Variants in CLN3 observed in about 807,000 individuals in gnomAD.
The protein encoded by CLN3 is CLN3 lysosomal/endosomal transmembrane protein, battenin.
In CLN3, 49 loss-of-function variants were observed where a neutral mutation model predicts 60.7. That is an observed-to-expected ratio of 0.81 (90% CI 0.64 to 1.02). CLN3 has a LOEUF of 1.02. Ranked by LOEUF, CLN3 falls within the 50% of genes least tolerant of loss-of-function variation. CLN3 has a pLI of 0.00. For missense variants in CLN3, 516 were observed against 557.4 expected, an observed-to-expected ratio of 0.93 and a Z score of 0.75; for synonymous variants, 256 against 245.8, an observed-to-expected ratio of 1.04 and a Z score of -0.39.
Position 28,482,211 on chromosome 16 carries a change from T to C in CLN3, c.963-13A>G, listed in dbSNP as rs1362213961. ...CAGCATCTGGTACCTGAGGTTAGGG[T>C]TGGGGGGAGGAGAGGAGGCTCCTCC... On this transcript the variant is annotated splice_polypyrimidine_tract_variant and intron_variant, in intron 13 of 15. Transcript: ENST00000636147. The C allele has an allele frequency of 1.2e-6, 2 of 1,610,592 alleles. No individual in the cohort carries two copies. Among genetic ancestry groups the C allele is most frequent in the East Asian group, 2.2e-5 (1 of 44,754 alleles).
intron 1 of CLN3, 45 bp downstream of exon 1, chr16:28,491,975 T>C (rs1397029742): frequency 4.7e-6 from 3 of 639,684 alleles, no homozygotes; most frequent in Non-Finnish European, 8.4e-6. Context: ...CCACCCATCG[T>C]ACTCTCCCCC....
intron 3 of CLN3, 140 bp downstream of exon 3, chr16:28,491,342 C>A: frequency 8.2e-7 from 1 of 1,226,704 alleles, no homozygotes; most frequent in Non-Finnish European, 1.2e-6. Flanking sequence ...TTACATGCTG[C>A]CCCTGGGGCA....
intron 14 of CLN3, among the ~76,000 whole-genome samples, chr16:28,478,305 A>C (rs867373050): frequency 8.0e-5 from 11 of 137,502 alleles, no homozygotes; most frequent in East Asian, 4.2e-4. Context: ...ACTCCATCCC[A>C]AAAAAAAAAA....
intron 2 of CLN3, 22 bp downstream of exon 2, chr16:28,491,692 G>C (rs867902864): frequency 6.2e-7 from 1 of 1,614,182 alleles, no homozygotes; most frequent in Middle Eastern, 1.7e-4. Context: ...GTCGTTCCAT[G>C]AGGGTGGGCG....
chr16:28,484,878 T>G (rs2046177191), intron 9 of CLN3: 1 of 152,132 alleles, frequency 6.6e-6, no homozygotes, highest in African/African-American at 2.4e-5. Flanking sequence ...TGGACTCACT[T>G]TTTCTACTTA....
rs759392650 is a variant in CLN3, at chr16:28,482,465, C to T, written c.906+12G>A. ...CGCCACCTCCACACCCCTCCTAGCA[C>T]CCCTCACTTACAAGTCCCTGGTTAA... is the stretch of plus-strand genomic sequence containing the variant. On this transcript the variant is annotated intron_variant, in intron 12 of 15. Transcript: ENST00000636147. 2 of 1,614,142 alleles carry T rather than the reference C, an allele frequency of 1.2e-6. No homozygotes were observed. The highest frequency in any genetic ancestry group is 1.1e-5 in the South Asian group (1 of 91,088).
intron 10 of CLN3, 123 bp downstream of exon 10, chr16:28,483,883 A>G: frequency 4.1e-6 from 3 of 728,820 alleles, no homozygotes; most frequent in Non-Finnish European, 7.2e-6. Context: ...CAAATAGACA[A>G]AGGCTTTTCC....
chr16:28,489,297 T>C lies in CLN3; in HGVS notation c.215A>G (p.Gln72Arg). Residue 72 changes from glutamine (Q) to arginine (R), a missense_variant, in exon 4 of 16, where the codon CAG (glutamine) becomes CGG (arginine). Gln to Arg is a conservative substitution (Grantham distance 43). Transcript: ENST00000636147. ...TGGTAGAGAGTCACTTACATGGCTC[T>C]GGTTTCCCGATGTCCTCTTGTGGCT... ...ILSHKRTSGN[Q>R]SHVDPGPTPI... The C allele has an allele frequency of 1.9e-6, 3 of 1,612,242 alleles. No individual in the cohort carries two copies. The highest frequency in any genetic ancestry group is 1.7e-4 in the Middle Eastern group (1 of 6,032).
At chr16:28,473,409 T>C (rs558186858), downstream of CLN3, among the ~76,000 whole-genome samples, 5 of 152,178 alleles carry the variant, frequency 3.3e-5, no homozygotes, top group Admixed American at 2.0e-4. Context: ...TTTAATTTTT[T>C]ATAGAGATAG....
intron 14 of CLN3, 51 bp from the exon 15 acceptor site, chr16:28,477,928 G>T (rs1464155530): frequency 1.2e-6 from 2 of 1,604,496 alleles, no homozygotes; most frequent in African/African-American, 1.3e-5. Flanking sequence ...GGCAGGGAAG[G>T]AGAGGTGGCC....
chr16:28,482,885 C>T (rs2046126464), intron 10 of CLN3, among the ~76,000 whole-genome samples: 1 of 152,082 alleles, frequency 6.6e-6, no homozygotes, highest in Non-Finnish European at 1.5e-5. Context: ...GGGCGGATCA[C>T]CTGAGGTCAG....
downstream of CLN3, among the ~76,000 whole-genome samples, chr16:28,469,113 G>A (rs200437766): frequency 1.4e-4 from 16 of 111,144 alleles, no homozygotes; most frequent in East Asian, 2.5e-3. Context: ...GGAAATGATG[G>A]AGTTAGAGAA....
At chr16:28,473,327 T>A (rs1384372451), downstream of CLN3, among the ~76,000 whole-genome samples, 2 of 152,136 alleles carry the variant, frequency 1.3e-5, no homozygotes, top group African/African-American at 4.8e-5. Flanking sequence ...CTGGCCCAAG[T>A]TGTCCTCCTG....
At chr16:28,474,507 G>A (rs1185388139), downstream of CLN3, among the ~76,000 whole-genome samples, 3 of 151,958 alleles carry the variant, frequency 2.0e-5, no homozygotes, top group South Asian at 2.1e-4. Context: ...CACTTGAACC[G>A]GGGAGACGGA....
Position 28,483,997 on chromosome 16 carries a change from G to A in CLN3, c.790+9C>T, listed in dbSNP as rs1220855528. 1.3e-6 allele frequency: 2 copies of A among 1,595,898 alleles called. No homozygotes were observed. The highest frequency in any genetic ancestry group is 1.7e-6 in the Non-Finnish European group (2 of 1,169,462). ...GAAAGTGACCTCTCTGAGGGTCTGT[G>A]TCTCCTACCTGGCTTCGACTCCGGG... On this transcript the variant is annotated intron_variant, in intron 10 of 15. Coordinates refer to ENST00000636147, the MANE Select transcript of CLN3 (RefSeq NM_001042432.2).
intron 5 of CLN3, chr16:28,488,334 A>C: frequency 5.1e-6 from 1 of 197,870 alleles, no homozygotes; most frequent in Non-Finnish European, 9.9e-6. Context: ...TTTTATATAT[A>C]TATATTTTTT....
chr16:28,487,305 G>C, intron 7 of CLN3, 151 bp downstream of exon 7: 1 of 719,054 alleles, frequency 1.4e-6, no homozygotes, highest in South Asian at 1.5e-5. Flanking sequence ...AATTGTCCCA[G>C]TCTCCCATCG....
intron 4 of CLN3, 65 bp from the exon 5 acceptor site, chr16:28,488,727 C>G (rs1186926283): frequency 2.0e-6 from 3 of 1,500,794 alleles, no homozygotes; most frequent in Non-Finnish European, 1.9e-6. Context: ...AGCCTGGCTC[C>G]CGTCCCAGCT....
chr16:28,483,795 G>T (rs1401629766), intron 10 of CLN3, among the ~76,000 whole-genome samples: 1 of 133,110 alleles, frequency 7.5e-6, no homozygotes, highest in Admixed American at 7.6e-5. Flanking sequence ...AGCTCAAGTG[G>T]TCCTCCTGCC....
Sources: gnomAD v4.1 joint callset for allele counts (sites outside exome capture counted in the v4.1 genomes callset) on GRCh38, gnomAD v4.1.1 for gene constraint, MANE v1.5 for transcripts, NCBI Gene and HGNC (gene_info 2026-07-23, HGNC 2026-07-21) for gene names.